The following CDC42BPA variants were observed in gnomAD, a reference collection of about 807,000 sequenced individuals.
The protein encoded by CDC42BPA is CDC42 binding protein kinase alpha, also known as serine/threonine-protein kinase MRCK alpha.
In CDC42BPA, 80 loss-of-function variants were observed where a neutral mutation model predicts 223.5. The observed-to-expected ratio is 0.36, with a 90% CI of 0.30 to 0.43. The LOEUF (loss-of-function observed/expected upper bound fraction) is 0.43. Among genes scored for constraint, CDC42BPA ranks in the 20% least tolerant of loss-of-function variants. The pLI is 1.00. For synonymous variants in CDC42BPA, 694 were observed against 718.6 expected, an observed-to-expected ratio of 0.97 and a Z score of 0.55; for missense variants, 1,743 against 2,099.9, an observed-to-expected ratio of 0.83 and a Z score of 3.32.
At chr1:227,237,284 C>T (rs1054625240) in intron 2 of CDC42BPA, among the ~76,000 whole-genome samples, 1 of 152,054 alleles carries the variant, frequency 6.6e-6, no homozygotes, top group East Asian at 1.9e-4. Flanking sequence ...ATGAGTAATA[C>T]ATTTACATGC....
intron 17 of CDC42BPA, among the ~76,000 whole-genome samples, chr1:227,080,329 C>T (rs73093467): frequency 0.058 from 8,808 of 152,042 alleles, 844 homozygotes; most frequent in African/African-American, 0.2. Context: ...CCAGAATAAT[C>T]GTTTAATAAA....
At chr1:227,297,967 T>TATATACACACACAC (rs369403944) in intron 1 of CDC42BPA, among the ~76,000 whole-genome samples, 8 of 132,076 alleles carry the variant, frequency 6.1e-5, no homozygotes, top group South Asian at 2.4e-4. Context: ...TATATACATA[T>TATATACACACACAC]ACACACACAC....
intron 1 of CDC42BPA, among the ~76,000 whole-genome samples, chr1:227,291,411 T>C (rs1209885928): frequency 6.6e-6 from 1 of 152,082 alleles, no homozygotes; most frequent in African/African-American, 2.4e-5. Context: ...TACCCAGGCA[T>C]GGTGGCACGC....
chr1:227,077,224 C>A (rs894646933), intron 17 of CDC42BPA, among the ~76,000 whole-genome samples: 1 of 152,110 alleles, frequency 6.6e-6, no homozygotes, highest in African/African-American at 2.4e-5. Context: ...TAACTTTGGG[C>A]AAATTACTTC....
chr1:227,306,138 GTT>G (rs56027762), intron 1 of CDC42BPA, among the ~76,000 whole-genome samples: 41,466 of 135,258 alleles, frequency 0.31, 5,801 homozygotes, highest in South Asian at 0.39. Flanking sequence ...GTTCTAAGTG[GTT>G]TTTTTTTTTT....
intron 2 of CDC42BPA, among the ~76,000 whole-genome samples, chr1:227,239,340 T>C (rs1021525618): frequency 1.3e-5 from 2 of 152,152 alleles, no homozygotes; most frequent in African/African-American, 4.8e-5. Flanking sequence ...GATACTACAA[T>C]GGCAGATACA....
intron 25 of CDC42BPA, 77 bp from the exon 26 acceptor site, chr1:227,034,871 A>G (rs2148699666): frequency 1.5e-6 from 2 of 1,343,636 alleles, no homozygotes; most frequent in East Asian, 4.7e-5. Flanking sequence ...ATGTAATTGC[A>G]TGGTGAAGAC....
At chr1:227,273,909 AATGAGAG>A (rs1686432887) in intron 1 of CDC42BPA, among the ~76,000 whole-genome samples, 1 of 148,890 alleles carries the variant, frequency 6.7e-6, no homozygotes, top group East Asian at 2.0e-4. Context: ...CAGCTTAGCC[AATGAGAG>A]ATGACAGGTT....
intron 1 of CDC42BPA, among the ~76,000 whole-genome samples, chr1:227,269,583 T>C (rs1350974816): frequency 3.3e-5 from 5 of 151,832 alleles, no homozygotes; most frequent in Non-Finnish European, 7.4e-5. Flanking sequence ...TTAAGAAAAA[T>C]AAAACAACAT....
In CDC42BPA at chr1:227,031,384, A is replaced by T. The variant is rs376106816; in HGVS notation, c.3689T>A (p.Phe1230Tyr). Reference protein sequence around the residue: ...ELHKILKKNKFRDRSVYVPKE... With the variant: ...ELHKILKKNKYRDRSVYVPKE... Reference sequence around the variant, plus strand: ...GGGAACATAGACTGAGCGGTCTCTGAATTTGTTTTTCTTCAAAATCTTGTG... The same window carrying T: ...GGGAACATAGACTGAGCGGTCTCTGTATTTGTTTTTCTTCAAAATCTTGTG... Residue 1230 changes from phenylalanine (F) to tyrosine (Y), a missense_variant, in exon 28 of 37, where the codon TTC becomes TAC. Phe to Tyr is a conservative substitution (Grantham distance 22, BLOSUM62 3). Around this residue, in one of 6 missense-constraint regions of CDC42BPA, gnomAD observed 678 missense variants for 777.5 expected, o/e 0.87. Coordinates refer to ENST00000366766, the MANE Select transcript of CDC42BPA (RefSeq NM_001394014.1). 6.2e-7 allele frequency: 1 copy of T among 1,614,012 alleles called. No individual in the cohort carries two copies. The highest frequency in any genetic ancestry group is 8.5e-7 in the Non-Finnish European group (1 of 1,179,986).
chr1:227,100,255 A>G (rs551079253), intron 15 of CDC42BPA, among the ~76,000 whole-genome samples: 1 of 152,266 alleles, frequency 6.6e-6, no homozygotes, highest in East Asian at 1.9e-4. Context: ...CATCTCTCGC[A>G]GCTGGATTCC....
intron 16 of CDC42BPA, among the ~76,000 whole-genome samples, chr1:227,081,609 C>T (rs1026384915): frequency 1.3e-4 from 19 of 151,990 alleles, no homozygotes; most frequent in Middle Eastern, 3.4e-3. Context: ...TGCGCCATCA[C>T]GCCCGGCTAA....
At chr1:227,107,115 T>C (rs537508944) in intron 14 of CDC42BPA, among the ~76,000 whole-genome samples, 11 of 152,232 alleles carry the variant, frequency 7.2e-5, no homozygotes, top group African/African-American at 1.4e-4. Flanking sequence ...AGGGACTGAA[T>C]TGAAGCTGTA....
chr1:227,131,197 C>T (rs766424249), intron 10 of CDC42BPA, among the ~76,000 whole-genome samples: 12 of 152,168 alleles, frequency 7.9e-5, no homozygotes, highest in South Asian at 4.1e-4. Context: ...AAATCCCCTA[C>T]GGCAGATACT....
Position 227,155,928 on chromosome 1 carries a change from T to C in CDC42BPA, c.693+4615A>G, listed in dbSNP as rs555470955. On this transcript the variant is annotated intron_variant, in intron 6 of 36. Transcript: ENST00000366766. ...TCTACCATGGTAGGATAGTATGAGTTAGTATCTAAAAATAAATAATCAAGA... is the reference window on the plus strand; with the variant it reads ...TCTACCATGGTAGGATAGTATGAGTCAGTATCTAAAAATAAATAATCAAGA... Among the ~76,000 whole-genome samples the C allele has an allele frequency of 2.0e-5, 3 of 152,156 alleles. No individual in the cohort carries two copies. In the East Asian group the frequency reaches 5.8e-4, roughly 29 times the overall value.
At chr1:227,238,759 G>A (rs977737213) in intron 2 of CDC42BPA, among the ~76,000 whole-genome samples, 5 of 152,284 alleles carry the variant, frequency 3.3e-5, no homozygotes, top group African/African-American at 1.2e-4. Context: ...AACATTGCAT[G>A]ATTAAAGGCT....
At chr1:227,254,529 T>G (rs1682718997) in intron 1 of CDC42BPA, among the ~76,000 whole-genome samples, 2 of 152,192 alleles carry the variant, frequency 1.3e-5, no homozygotes, top group East Asian at 3.8e-4. Context: ...ACCAGAGAGC[T>G]CTTCAGCAAT....
At position 227,261,534 on chromosome 1, in the gene CDC42BPA, CA is replaced by C. The variant is rs1248938828; in HGVS notation, c.179-7380del. Among the ~76,000 whole-genome samples the C allele has an allele frequency of 2.1e-5, 3 of 144,854 alleles. 1 individual carries two copies. The highest frequency in any genetic ancestry group is 8.7e-5 in the African/African-American group (3 of 34,610). ...ATACACATAGAAATGCTAAATAAAACAAACAACCATGAGAGATTTTAAATAT... is the reference window on the plus strand; with the variant it reads ...ATACACATAGAAATGCTAAATAAAACAACAACCATGAGAGATTTTAAATAT... On this transcript the variant is annotated intron_variant, in intron 1 of 36. Coordinates refer to ENST00000366766, the MANE Select transcript of CDC42BPA (RefSeq NM_001394014.1).
At chr1:227,049,890 A>T (rs1673191512) in intron 22 of CDC42BPA, among the ~76,000 whole-genome samples, 1 of 152,182 alleles carries the variant, frequency 6.6e-6, no homozygotes, top group African/African-American at 2.4e-5. Flanking sequence ...AAACAAGTAA[A>T]AGCAAAATTT....
Sources: gnomAD v4.1 joint callset for allele counts (sites outside exome capture counted in the v4.1 genomes callset) on GRCh38, gnomAD v4.1.1 for gene constraint, gnomAD v4.1.1 regional missense constraint, MANE v1.5 for transcripts, NCBI Gene and HGNC (gene_info 2026-07-23, HGNC 2026-07-21) for gene names.